The following CSPP1 variants were observed in gnomAD, a reference collection of about 807,000 sequenced individuals.
CSPP1 encodes the protein centrosome and spindle pole-associated protein 1.
Under a neutral mutation model 164.4 loss-of-function variants are expected in CSPP1, and 126 were observed. That is an observed-to-expected ratio of 0.77 (90% CI 0.66 to 0.89). The LOEUF is 0.89. Among genes scored for constraint, CSPP1 ranks in the 40% least tolerant of loss-of-function variants. CSPP1 has a pLI of 0.00. For synonymous variants in CSPP1, 472 were observed against 476.7 expected, an observed-to-expected ratio of 0.99 and a Z score of 0.13; for missense variants, 1,395 against 1,449.8, an observed-to-expected ratio of 0.96 and a Z score of 0.61.
intron 28 of CSPP1, 97 bp downstream of exon 28, chr8:67,180,023 T>TAA (rs768421527): frequency 1.5e-4 from 69 of 473,212 alleles, no homozygotes; most frequent in South Asian, 2.0e-4. Context: ...TACAAGGTAG[T>TAA]AAAAAAAAAA....
intron 1 of CSPP1, among the ~76,000 whole-genome samples, chr8:67,071,119 A>G (rs1478581028): frequency 1.3e-5 from 2 of 152,206 alleles, no homozygotes; most frequent in Admixed American, 6.5e-5. Context: ...TACATTAGGT[A>G]CTGTTTACCT....
intron 24 of CSPP1, among the ~76,000 whole-genome samples, chr8:67,169,956 C>T (rs1830159916): frequency 6.6e-6 from 1 of 151,960 alleles, no homozygotes; most frequent in Non-Finnish European, 1.5e-5. Context: ...CCATATTGCC[C>T]AGGCTGGTCT....
Position 67,193,558 on chromosome 8 carries a change from G to C in CSPP1, c.3425G>C (p.Arg1142Pro), listed in dbSNP as rs768899319. The C allele has an allele frequency of 2.5e-6, 4 of 1,613,672 alleles. No homozygotes were observed. Among genetic ancestry groups the C allele is most frequent in the Non-Finnish European group, 3.4e-6 (4 of 1,179,708 alleles). ...VDELRVRNEERMRRLNEFHNK... is the reference protein window; with the variant it reads ...VDELRVRNEEPMRRLNEFHNK... The stretch of plus-strand genomic sequence containing the variant: ...GAGCTTAGAGTGAGAAATGAGGAAC[G>C]AATGCGAAGACTGAATGAATTTCAC... Residue 1142 changes from arginine (R) to proline (P), a missense_variant, in exon 30 of 31, where the codon CGA becomes CCA. Transcript: ENST00000678616.
At chr8:67,186,969 T>TA (rs1834789063) in intron 28 of CSPP1, among the ~76,000 whole-genome samples, 1 of 135,164 alleles carries the variant, frequency 7.4e-6, no homozygotes, top group Non-Finnish European at 1.6e-5. Context: ...AATCTATCTA[T>TA]CATCTATCTA....
intron 1 of CSPP1, among the ~76,000 whole-genome samples, chr8:67,066,226 A>G (rs753233436): frequency 2.0e-5 from 3 of 152,080 alleles, no homozygotes; most frequent in Non-Finnish European, 4.4e-5. Context: ...CAGCAACAGT[A>G]TTTACATCTT....
chr8:67,117,123 T>G (rs1398803510), intron 13 of CSPP1, among the ~76,000 whole-genome samples: 1 of 152,150 alleles, frequency 6.6e-6, no homozygotes, highest in African/African-American at 2.4e-5. Flanking sequence ...TAGTATTATA[T>G]TTTTTTCATG....
intron 24 of CSPP1, among the ~76,000 whole-genome samples, chr8:67,169,522 C>T (rs2129565401): frequency 6.6e-6 from 1 of 152,266 alleles, no homozygotes; most frequent in Non-Finnish European, 1.5e-5. Context: ...TCACTGCAAC[C>T]TCTGCCTCCC....
intron 17 of CSPP1, among the ~76,000 whole-genome samples, chr8:67,147,553 C>G (rs148911312): frequency 1.3e-5 from 2 of 152,172 alleles, no homozygotes; most frequent in Admixed American, 6.5e-5. Context: ...CTTGTACCCC[C>G]GCGCCCCACC....
Position 67,172,542 on chromosome 8 carries a change from G to A in CSPP1, c.2955G>A (p.Glu985=). The stretch of plus-strand genomic sequence containing the variant: ...TTCAGAATGTTCATGATTTTAATGA[G>A]CTGAAAGATAGAGGTGAGTAGATTG... The part of the protein sequence containing the change: ...ATFQNVHDFN[E]LKDRDSETRV... Residue 985 remains glutamate, a synonymous_variant, in exon 25 of 31, where the codon GAG becomes GAA. Coordinates refer to ENST00000678616, the MANE Select transcript of CSPP1 (RefSeq NM_001382391.1). 2 of 1,613,130 alleles carry A rather than the reference G, an allele frequency of 1.2e-6. No homozygotes were observed. Among genetic ancestry groups the A allele is most frequent in the East Asian group, 2.2e-5 (1 of 44,860 alleles).
At chr8:67,175,707 G>A (rs532094757) in intron 26 of CSPP1, 264 of 542,898 alleles carry the variant, frequency 4.9e-4, no homozygotes, top group Non-Finnish European at 7.4e-4. Context: ...GCCAGGTGAC[G>A]TCTGCATCAG....
intron 5 of CSPP1, among the ~76,000 whole-genome samples, chr8:67,093,138 G>A (rs939045720): frequency 6.6e-6 from 1 of 152,206 alleles, no homozygotes; most frequent in Non-Finnish European, 1.5e-5. Flanking sequence ...GTTTGTCTAG[G>A]ATTGCTGTTG....
At chr8:67,103,783 T>C (rs565351887) in intron 8 of CSPP1, among the ~76,000 whole-genome samples, 18 of 140,252 alleles carry the variant, frequency 1.3e-4, no homozygotes, top group Non-Finnish European at 2.2e-4. Flanking sequence ...GAGCTTGCAG[T>C]GAGCCGAGAT....
intron 15 of CSPP1, among the ~76,000 whole-genome samples, chr8:67,129,982 G>C (rs1024078206): frequency 6.6e-6 from 1 of 152,144 alleles, no homozygotes; most frequent in Non-Finnish European, 1.5e-5. Flanking sequence ...GTTGACACTC[G>C]ATAACACAGG....
At chr8:67,137,102 C>T (rs1822474951) in intron 16 of CSPP1, among the ~76,000 whole-genome samples, 1 of 152,006 alleles carries the variant, frequency 6.6e-6, no homozygotes, top group South Asian at 2.1e-4. Flanking sequence ...GTGCCTCAGA[C>T]ACCCAAGTAG....
At chr8:67,087,824 T>C (rs1425690647) in intron 4 of CSPP1, among the ~76,000 whole-genome samples, 1 of 152,354 alleles carries the variant, frequency 6.6e-6, no homozygotes, top group African/African-American at 2.4e-5. Context: ...GTGAAGAGCA[T>C]GGTAACTGTG....
chr8:67,098,094 C>A, intron 7 of CSPP1, among the ~76,000 whole-genome samples: 1 of 149,236 alleles, frequency 6.7e-6, no homozygotes, highest in Non-Finnish European at 1.5e-5. Flanking sequence ...TATAAATAGA[C>A]TGGTTTAGGA....
intron 17 of CSPP1, 79 bp from the exon 18 acceptor site, chr8:67,149,704 C>G: frequency 9.8e-7 from 1 of 1,022,310 alleles, no homozygotes; most frequent in Non-Finnish European, 1.3e-6. Context: ...TTCTGACTTC[C>G]TATTTTAAGA....
chr8:67,181,660 G>A (rs1301545098), intron 28 of CSPP1, among the ~76,000 whole-genome samples: 1 of 151,948 alleles, frequency 6.6e-6, no homozygotes, highest in Non-Finnish European at 1.5e-5. Flanking sequence ...TAAAAAATAG[G>A]GTTTTTAAAA....
rs374783624 is a variant in CSPP1, at chr8:67,177,840, C to T, written c.3156+114C>T. 1,200 of 788,918 alleles carry T rather than the reference C, an allele frequency of 1.5e-3. 3 individuals are homozygous for T. Among genetic ancestry groups the T allele is most frequent in the Middle Eastern group, 4.4e-3 (16 of 3,614 alleles). 48.9% of individuals were successfully genotyped at this position (788,918 alleles called of 1,614,324 possible). A position where few individuals can be genotyped will look rare whatever the true frequency, so the allele number is the denominator to read the frequency against. ...TTATTCAGGAATATTGAATTAAGAA[C>T]GTAAGTCTTATCAGTAAAGTGGATA... is the stretch of plus-strand genomic sequence containing the variant. On this transcript the variant is annotated intron_variant, in intron 27 of 30. Coordinates refer to ENST00000678616, the MANE Select transcript of CSPP1 (RefSeq NM_001382391.1).
Sources: allele counts gnomAD v4.1 joint callset (sites outside exome capture counted in the v4.1 genomes callset), GRCh38; gene constraint gnomAD v4.1.1; transcripts MANE v1.5; gene names NCBI Gene and HGNC (gene_info 2026-07-23, HGNC 2026-07-21).